Variants in TGFBR3 observed in about 807,000 individuals in gnomAD.
The protein encoded by TGFBR3 is transforming growth factor beta receptor type 3.
TGFBR3 carries 46 observed loss-of-function variants against 87.9 expected under a neutral mutation model. That is an observed-to-expected ratio of 0.52 (90% CI 0.41 to 0.67). TGFBR3 has a LOEUF of 0.67. Ranked by LOEUF, TGFBR3 falls within the 30% of genes least tolerant of loss-of-function variation. TGFBR3 has a pLI of 0.00. For synonymous variants in TGFBR3, 381 were observed against 391.6 expected (o/e 0.97, Z 0.32); for missense variants, 866 against 1,041.9 (o/e 0.83, Z 2.32).
intron 2 of TGFBR3, among the ~76,000 whole-genome samples, chr1:91,898,172 T>C (rs2799542): frequency 0.92 from 139,762 of 152,176 alleles, 64,857 homozygotes; most frequent in Non-Finnish European, 0.99. Context: ...AATCAATTAC[T>C]CTCCCAGTCT....
At chr1:91,891,655 G>A (rs1192493531) in intron 2 of TGFBR3, among the ~76,000 whole-genome samples, 1 of 152,172 alleles carries the variant, frequency 6.6e-6, no homozygotes, top group Non-Finnish European at 1.5e-5. Flanking sequence ...GGAGGCAATT[G>A]CACAACTACT....
chr1:91,797,534 C>CAG, intron 2 of TGFBR3, 63 bp from the exon 3 acceptor site: 1 of 1,595,094 alleles, frequency 6.3e-7, no homozygotes, highest in Non-Finnish European at 8.6e-7. Flanking sequence ...CCCAAAGGGG[C>CAG]AAGGGTGATC....
At chr1:91,828,967 A>G (rs2101080242) in intron 2 of TGFBR3, among the ~76,000 whole-genome samples, 1 of 152,176 alleles carries the variant, frequency 6.6e-6, no homozygotes, top group Non-Finnish European at 1.5e-5. Context: ...TTTTCTGACC[A>G]TCTTCCTGGG....
rs12141338 is a variant in TGFBR3, at chr1:91,696,434, T to C, written c.2330-655A>G. ...CTACTTTTTAACACTTTTCCAACCA[T>C]GATCTTTCTATAAGGGGAACGGAAA... On this transcript the variant is annotated intron_variant, in intron 15 of 16. Transcript: ENST00000212355. 2.6e-5 allele frequency among the ~76,000 whole-genome samples: 4 copies of C among 152,164 alleles called. No homozygotes were observed. The East Asian group carries it at 5.8e-4, about 22-fold the overall frequency.
chr1:91,868,059 A>G (rs1423996649), intron 1 of TGFBR3, among the ~76,000 whole-genome samples: 1 of 152,208 alleles, frequency 6.6e-6, no homozygotes, highest in Non-Finnish European at 1.5e-5. Flanking sequence ...CCAGGATTAC[A>G]GGCATGTGCC....
At chr1:91,720,861 C>CT (rs1272094813) in intron 8 of TGFBR3, among the ~76,000 whole-genome samples, 2 of 152,210 alleles carry the variant, frequency 1.3e-5, no homozygotes, top group African/African-American at 4.8e-5. Context: ...TCACCACCTT[C>CT]TTTTTGACAG....
At chr1:91,827,619 ATAAT>A (rs1259119060) in intron 2 of TGFBR3, among the ~76,000 whole-genome samples, 1 of 152,212 alleles carries the variant, frequency 6.6e-6, no homozygotes, top group Non-Finnish European at 1.5e-5. Flanking sequence ...GCCGCATGAG[ATAAT>A]TCATTAACGA....
chr1:91,713,171 C>T (rs1672044286), intron 12 of TGFBR3, among the ~76,000 whole-genome samples: 1 of 152,184 alleles, frequency 6.6e-6, no homozygotes, highest in Admixed American at 6.5e-5. Context: ...AGATCCAAAT[C>T]AGCCTTGCCA....
At chr1:91,695,638 T>C (rs897927164) in intron 16 of TGFBR3, 34 bp downstream of exon 16, 1 of 1,534,478 alleles carries the variant, frequency 6.5e-7, no homozygotes, top group African/African-American at 1.4e-5. Flanking sequence ...GAACACAAGC[T>C]GTTCACCAAC....
intron 6 of TGFBR3, among the ~76,000 whole-genome samples, chr1:91,729,080 A>G (rs1437369899): frequency 3.5e-5 from 4 of 114,148 alleles, no homozygotes; most frequent in Non-Finnish European, 7.1e-5. Context: ...ACACACACCA[A>G]GCACACAAGG....
In TGFBR3 at chr1:91,776,574, G is replaced by GA. The variant is rs553239971; in HGVS notation, c.247-17825dup. ...ACAGAATCTCCCTTCCAGGGGTGTT[G>GA]AAAAAAACAAATAAAATGCCAGGTT... On this transcript the variant is annotated intron_variant, in intron 3 of 16. Transcript: ENST00000212355. Among the ~76,000 whole-genome samples the GA allele has an allele frequency of 1.6e-3, 248 of 152,196 alleles. 2 individuals are homozygous for GA. Among genetic ancestry groups the GA allele is most frequent in the African/African-American group, 5.7e-3 (238 of 41,522 alleles).
Position 91,797,452 on chromosome 1 carries a change from C to A in TGFBR3, c.81G>T (p.Leu27=), listed in dbSNP as rs755596815. The A allele has an allele frequency of 6.2e-7, 1 of 1,614,240 alleles. No individual in the cohort carries two copies. Among genetic ancestry groups the A allele is most frequent in the South Asian group, 1.1e-5 (1 of 91,090 alleles). ...AGGCACTGACAGGTGACAGTTCACA[C>A]AGTGCACCAGGCTCTGGACCTGCCA... ...LATAGPEPGA[L]CELSPVSASH... is the part of the protein sequence containing the mutation. The change falls in exon 3 of 17, where the codon CTG becomes CTT. Residue 27 remains leucine, a synonymous_variant. Transcript: ENST00000212355.
intron 12 of TGFBR3, among the ~76,000 whole-genome samples, chr1:91,714,376 C>G (rs1672086977): frequency 6.6e-6 from 1 of 151,946 alleles, no homozygotes; most frequent in Non-Finnish European, 1.5e-5. Context: ...ACAAATGAAC[C>G]AAAAGAAAAC....
chr1:91,692,720 C>T lies in TGFBR3; in HGVS notation c.2437+2952G>A, dbSNP rs115560250. The stretch of plus-strand genomic sequence containing the variant: ...AGTTTTCCAAACAGAATTAATCCAG[C>T]CTTAAGGGAATATCTCTTATTGTGC... On this transcript the variant is annotated intron_variant, in intron 16 of 16. Coordinates refer to ENST00000212355, the MANE Select transcript of TGFBR3 (RefSeq NM_003243.5). Among the ~76,000 whole-genome samples the T allele has an allele frequency of 3.4e-3, 522 of 152,196 alleles. 1 individual carries two copies. Among genetic ancestry groups the T allele is most frequent in the Non-Finnish European group, 4.4e-3 (301 of 68,012 alleles).
At chr1:91,725,862 C>T (rs1672530932) in intron 7 of TGFBR3, among the ~76,000 whole-genome samples, 1 of 152,184 alleles carries the variant, frequency 6.6e-6, no homozygotes, top group Admixed American at 6.5e-5. Context: ...TTCTATAAAC[C>T]ATTGCCCCCT....
In TGFBR3 at chr1:91,780,551, CTTTTTT is replaced by C. The variant is rs60294904; in HGVS notation, c.246+16730_246+16735del. Among the ~76,000 whole-genome samples, 10 of 77,166 alleles carry C rather than the reference CTTTTTT, an allele frequency of 1.3e-4. 1 individual carries two copies. The highest frequency in any genetic ancestry group is 6.2e-4 in the South Asian group (1 of 1,612). The allele number at this position is 77,166 out of a possible 152,430, so 50.6% of individuals were successfully genotyped here. A position where few individuals can be genotyped will look rare whatever the true frequency, so the allele number is the denominator to read the frequency against. On this transcript the variant is annotated intron_variant, in intron 3 of 16. Transcript: ENST00000212355. Reference sequence around the variant, plus strand: ...TACTAGTTCCCGCAAGGGTCTAAGGCTTTTTTTTTTTTTTTTTTTTTTTCTGACATG... The same window carrying C: ...TACTAGTTCCCGCAAGGGTCTAAGGCTTTTTTTTTTTTTTTTTCTGACATG...
chr1:91,714,983 G>A (rs1443786581), intron 12 of TGFBR3, among the ~76,000 whole-genome samples: 3 of 152,210 alleles, frequency 2.0e-5, no homozygotes, highest in African/African-American at 7.2e-5. Flanking sequence ...AGAGTTATGT[G>A]TCTTTCCAAA....
chr1:91,813,382 A>G (rs1421959842), intron 2 of TGFBR3, among the ~76,000 whole-genome samples: 1 of 152,236 alleles, frequency 6.6e-6, no homozygotes, highest in Non-Finnish European at 1.5e-5. Context: ...AGAGAAAAAA[A>G]CAAATGTATA....
intron 2 of TGFBR3, among the ~76,000 whole-genome samples, chr1:91,798,182 A>T (rs1247268120): frequency 6.6e-6 from 1 of 152,152 alleles, no homozygotes; most frequent in East Asian, 1.9e-4. Flanking sequence ...CTAGACAATT[A>T]CAAACCTTCC....
Sources: allele counts gnomAD v4.1 joint callset (sites outside exome capture counted in the v4.1 genomes callset), GRCh38; gene constraint gnomAD v4.1.1; transcripts MANE v1.5; gene names NCBI Gene and HGNC (gene_info 2026-07-23, HGNC 2026-07-21).